IGSF11: variants seen among roughly 807,000 people sequenced by gnomAD.
The protein encoded by IGSF11 is CXADR like 1.
A neutral mutation model predicts 41.0 loss-of-function variants in IGSF11; 22 were observed. That is an observed-to-expected ratio of 0.54 (90% CI 0.38 to 0.77). The LOEUF (loss-of-function observed/expected upper bound fraction) is 0.77, where lower values mean the gene tolerates loss of function less well. Ranked by LOEUF, IGSF11 falls within the 30% of genes least tolerant of loss-of-function variation. IGSF11 has a pLI of 0.00. For missense variants in IGSF11, 444 were observed against 530.8 expected (o/e 0.84, Z 1.61); for synonymous variants, 219 against 201.3 (o/e 1.09, Z -0.74).
intron 1 of IGSF11, among the ~76,000 whole-genome samples, chr3:119,005,824 G>A (rs202036953): frequency 0.029 from 2,481 of 85,132 alleles, 16 homozygotes; most frequent in African/African-American, 0.058. Flanking sequence ...GGTTTCTGCC[G>A]AGAGATCCGC....
upstream of IGSF11, among the ~76,000 whole-genome samples, chr3:119,037,741 T>C (rs1037746678): frequency 2.6e-5 from 4 of 152,334 alleles, no homozygotes; most frequent in Admixed American, 2.6e-4. Flanking sequence ...TTAATCTGCA[T>C]TCAAGAATGG....
intron 1 of IGSF11, among the ~76,000 whole-genome samples, chr3:119,112,019 G>A (rs887325967): frequency 2.6e-5 from 4 of 152,226 alleles, no homozygotes; most frequent in African/African-American, 9.6e-5. Flanking sequence ...GTGCCTCCCA[G>A]TTAGGCTGCT....
At chr3:119,029,331 G>A (rs966612310) in intron 1 of IGSF11, among the ~76,000 whole-genome samples, 1 of 151,696 alleles carries the variant, frequency 6.6e-6, no homozygotes, top group African/African-American at 2.4e-5. Flanking sequence ...AGGAGAAAGG[G>A]AATTTTATTA....
intron 4 of IGSF11, among the ~76,000 whole-genome samples, chr3:118,920,272 T>G (rs910807733): frequency 6.8e-6 from 1 of 147,362 alleles, no homozygotes; most frequent in South Asian, 2.1e-4. Flanking sequence ...AAAAAAACAA[T>G]AATGTGTCAG....
At chr3:118,921,679 T>C (rs1169918868) in intron 4 of IGSF11, among the ~76,000 whole-genome samples, 1 of 152,132 alleles carries the variant, frequency 6.6e-6, no homozygotes, top group African/African-American at 2.4e-5. Context: ...GGTTCAAAAC[T>C]ATGTCCACTG....
chr3:119,046,548 G>A (rs1460969652), intron 1 of IGSF11, among the ~76,000 whole-genome samples: 1 of 151,620 alleles, frequency 6.6e-6, no homozygotes, highest in Non-Finnish European at 1.5e-5. Flanking sequence ...GGGGAGAATG[G>A]AACCAAGTTG....
At chr3:118,994,038 T>C (rs114763817) in intron 1 of IGSF11, among the ~76,000 whole-genome samples, 19 of 152,334 alleles carry the variant, frequency 1.2e-4, no homozygotes, top group African/African-American at 4.3e-4. Context: ...GTCAATAAAA[T>C]AGTTTTGCAT....
At chr3:119,023,056 G>A (rs1385961802) in intron 1 of IGSF11, among the ~76,000 whole-genome samples, 1 of 152,038 alleles carries the variant, frequency 6.6e-6, no homozygotes, top group Non-Finnish European at 1.5e-5. Context: ...GATGTCAGGA[G>A]TATGAGACCA....
intron 1 of IGSF11, among the ~76,000 whole-genome samples, chr3:119,102,074 G>A (rs975517060): frequency 6.6e-6 from 1 of 151,968 alleles, no homozygotes; most frequent in Non-Finnish European, 1.5e-5. Flanking sequence ...CTTTGTCAGA[G>A]TTTATAAAAC....
intron 1 of IGSF11, among the ~76,000 whole-genome samples, chr3:118,982,561 A>G (rs963132935): frequency 6.6e-6 from 1 of 152,212 alleles, no homozygotes; most frequent in African/African-American, 2.4e-5. Context: ...AGAAGGACAA[A>G]GGGTTTTATC....
intron 1 of IGSF11, among the ~76,000 whole-genome samples, chr3:118,986,193 C>G (rs78673875): frequency 6.6e-6 from 1 of 152,096 alleles, no homozygotes; most frequent in African/African-American, 2.4e-5. Flanking sequence ...GACTTTGTGC[C>G]ACCCCTCACT....
chr3:119,105,693 T>C (rs1006380928), upstream of IGSF11, among the ~76,000 whole-genome samples: 9 of 152,156 alleles, frequency 5.9e-5, no homozygotes, highest in Admixed American at 5.9e-4. Flanking sequence ...AAACCACACA[T>C]ACCATACATG....
chr3:118,904,807 T>C lies in IGSF11; in HGVS notation c.704-9A>G. On this transcript the variant is annotated splice_polypyrimidine_tract_variant and intron_variant, in intron 5 of 6. Coordinates refer to ENST00000393775, the MANE Select transcript of IGSF11 (RefSeq NM_001015887.3). ...AATGTTCCTGGGCTGGGCTGCAAAA[T>C]ATATTTAAGATATATTTAAAGAAAA... The C allele has an allele frequency of 6.3e-7, 1 of 1,585,692 alleles. No individual in the cohort carries two copies. Among genetic ancestry groups the C allele is most frequent in the Non-Finnish European group, 8.5e-7 (1 of 1,170,896 alleles).
At chr3:119,099,258 A>G (rs2076904411) in intron 1 of IGSF11, among the ~76,000 whole-genome samples, 2 of 152,194 alleles carry the variant, frequency 1.3e-5, no homozygotes, top group African/African-American at 4.8e-5. Flanking sequence ...TTCTCAATTC[A>G]ATCCAGAAAA....
intron 1 of IGSF11, among the ~76,000 whole-genome samples, chr3:119,005,832 C>A (rs1452590227): frequency 8.5e-6 from 1 of 117,518 alleles, no homozygotes; most frequent in Non-Finnish European, 1.6e-5. Flanking sequence ...CCGAGAGATC[C>A]GCTGTTAGTC....
At chr3:119,143,405 G>C (rs538382506) in intron 1 of IGSF11, among the ~76,000 whole-genome samples, 1 of 152,168 alleles carries the variant, frequency 6.6e-6, no homozygotes, top group Non-Finnish European at 1.5e-5. Flanking sequence ...ATTCAAAATA[G>C]GTTGTTATAA....
chr3:118,951,532 C>CT (rs778410703), intron 1 of IGSF11, among the ~76,000 whole-genome samples: 2 of 152,092 alleles, frequency 1.3e-5, no homozygotes, highest in Non-Finnish European at 2.9e-5. Flanking sequence ...TTCAAGAAAG[C>CT]TTCAAGTGAT....
intron 1 of IGSF11, among the ~76,000 whole-genome samples, chr3:119,048,388 G>C (rs893924897): frequency 2.0e-5 from 3 of 152,098 alleles, no homozygotes; most frequent in Non-Finnish European, 4.4e-5. Context: ...AAATAAACTA[G>C]AAAATCTAGA....
chr3:119,005,999 G>A (rs200374930), intron 1 of IGSF11, among the ~76,000 whole-genome samples: 11,129 of 114,696 alleles, frequency 0.097, 604 homozygotes, highest in African/African-American at 0.18. Flanking sequence ...TCCTGAATCT[G>A]AACGTTGGCC....
Sources: gnomAD v4.1 joint callset for allele counts (sites outside exome capture counted in the v4.1 genomes callset) on GRCh38, gnomAD v4.1.1 for gene constraint, MANE v1.5 for transcripts, NCBI Gene and HGNC (gene_info 2026-07-23, HGNC 2026-07-21) for gene names.